RARB: variants seen among roughly 807,000 people sequenced by gnomAD.
RARB encodes the protein retinoic acid receptor beta, also known as HBV-activated protein.
RARB carries 17 observed loss-of-function variants against 51.9 expected under a neutral mutation model. The observed-to-expected ratio is 0.33, with a 90% CI of 0.22 to 0.49. RARB has a LOEUF of 0.49. Ranked by LOEUF, RARB falls within the 20% of genes least tolerant of loss-of-function variation. The pLI is 0.99. For missense variants in RARB, 369 were observed against 550.8 expected (o/e 0.67, Z 3.30); for synonymous variants, 215 against 195.4 (o/e 1.10, Z -0.84).
intron 5 of RARB, among the ~76,000 whole-genome samples, chr3:25,296,882 G>A (rs577309556): frequency 9.9e-5 from 15 of 152,122 alleles, no homozygotes; most frequent in Non-Finnish European, 1.9e-4. Context: ...CTTCTAAACT[G>A]CCCTGGACAA....
intron 5 of RARB, among the ~76,000 whole-genome samples, chr3:25,214,494 A>G (rs1331391395): frequency 6.6e-6 from 1 of 152,250 alleles, no homozygotes; most frequent in African/African-American, 2.4e-5. Context: ...GTAAGTATGT[A>G]TGTAAATATA....
chr3:24,865,825 G>T (rs1373526864), intron 2 of RARB, among the ~76,000 whole-genome samples: 1 of 152,162 alleles, frequency 6.6e-6, no homozygotes, highest in African/African-American at 2.4e-5. Context: ...CTACAGTGAG[G>T]TTATTGTGGC....
At chr3:25,020,227 C>G (rs1053036255) in intron 2 of RARB, 7 of 151,492 alleles carry the variant, frequency 4.6e-5, no homozygotes, top group Admixed American at 4.0e-4. Flanking sequence ...AGGCATGATC[C>G]CACTGCTGAT....
At position 25,596,507 on chromosome 3, in the gene RARB, A is replaced by T. The variant is rs1229281611; in HGVS notation, c.1238A>T (p.His413Leu). 1 of 1,613,464 alleles carries T rather than the reference A, an allele frequency of 6.2e-7. No individual in the cohort carries two copies. The highest frequency in any genetic ancestry group is 2.2e-5 in the East Asian group (1 of 44,870). ...GAAATGCTGGAGAATTCTGAAGGAC[A>T]TGAACCCTTGACCCCAAGTTCAAGT... ...IQEMLENSEG[H>L]EPLTPSSSGN... The change falls in exon 8 of 8, where the codon CAT (histidine) becomes CTT (leucine). Residue 413 changes from histidine (H) to leucine (L), a missense_variant. His to Leu is a moderately conservative substitution (Grantham distance 99). Transcript: ENST00000330688.
intron 2 of RARB, among the ~76,000 whole-genome samples, chr3:25,042,052 TG>T: frequency 6.6e-6 from 1 of 152,256 alleles, no homozygotes; most frequent in East Asian, 1.9e-4. Flanking sequence ...GAAGGGACTG[TG>T]GTAACATAGG....
chr3:24,923,459 C>T (rs1018280180), intron 2 of RARB, among the ~76,000 whole-genome samples: 6 of 151,856 alleles, frequency 4.0e-5, no homozygotes, highest in Non-Finnish European at 7.4e-5. Context: ...ATTATAGAAT[C>T]GTTATTTTAA....
chr3:25,510,566 C>T (rs1168190117), intron 3 of RARB, among the ~76,000 whole-genome samples: 1 of 151,902 alleles, frequency 6.6e-6, no homozygotes, highest in African/African-American at 2.4e-5. Flanking sequence ...GCAGAGGCTG[C>T]ATTGGGCCAA....
chr3:25,574,344 A>T (rs931587263), intron 4 of RARB, among the ~76,000 whole-genome samples: 2 of 152,326 alleles, frequency 1.3e-5, no homozygotes, highest in South Asian at 4.1e-4. Flanking sequence ...TCCTGCCTGG[A>T]GGGTTCCATG....
chr3:25,326,396 C>T (rs1704717488), intron 5 of RARB, among the ~76,000 whole-genome samples: 1 of 152,084 alleles, frequency 6.6e-6, no homozygotes, highest in South Asian at 2.1e-4. Flanking sequence ...ATTGAGTCAT[C>T]CTGAAAAGGA....
chr3:25,293,375 A>G (rs987807692), intron 5 of RARB, among the ~76,000 whole-genome samples: 2 of 152,078 alleles, frequency 1.3e-5, no homozygotes, highest in Non-Finnish European at 2.9e-5. Flanking sequence ...ATGTTTTATA[A>G]TGAACCACTT....
chr3:24,877,872 T>G (rs1703077441), intron 2 of RARB, among the ~76,000 whole-genome samples: 1 of 152,196 alleles, frequency 6.6e-6, no homozygotes, highest in African/African-American at 2.4e-5. Context: ...GAGCCTCTAA[T>G]CGGCTTTTAA....
chr3:25,075,456 G>T (rs1022951730), intron 3 of RARB, among the ~76,000 whole-genome samples: 1 of 152,062 alleles, frequency 6.6e-6, no homozygotes, highest in African/African-American at 2.4e-5. Flanking sequence ...CTGAGCCTGG[G>T]GCATTCCTGA....
At chr3:25,073,082 T>C (rs1224364587) in intron 3 of RARB, among the ~76,000 whole-genome samples, 1 of 152,144 alleles carries the variant, frequency 6.6e-6, no homozygotes, top group African/African-American at 2.4e-5. Flanking sequence ...TAGGGAAAAC[T>C]GAATGAGTAA....
chr3:24,987,989 A>C (rs1439823823), intron 2 of RARB, among the ~76,000 whole-genome samples: 2 of 151,856 alleles, frequency 1.3e-5, no homozygotes, highest in African/African-American at 4.8e-5. Context: ...CCAGTTCTCA[A>C]CCTTAGTTGT....
chr3:25,157,350 T>TGTGTG (rs1700392801), intron 4 of RARB, among the ~76,000 whole-genome samples: 2 of 145,000 alleles, frequency 1.4e-5, no homozygotes, highest in Non-Finnish European at 3.0e-5. Flanking sequence ...GTGTGTGTGT[T>TGTGTG]TGTGTGTGTG....
chr3:25,356,968 T>A (rs1453117276), intron 5 of RARB, among the ~76,000 whole-genome samples: 1 of 152,220 alleles, frequency 6.6e-6, no homozygotes, highest in Non-Finnish European at 1.5e-5. Flanking sequence ...AGTGCTGCAA[T>A]AAACATACGT....
intron 2 of RARB, among the ~76,000 whole-genome samples, chr3:24,996,756 A>C (rs1277347229): frequency 6.6e-6 from 1 of 151,970 alleles, no homozygotes. Flanking sequence ...GTATTTGTAA[A>C]GTTTTGAATG....
intron 3 of RARB, among the ~76,000 whole-genome samples, chr3:25,092,366 C>T (rs1699213743): frequency 6.6e-6 from 1 of 151,942 alleles, no homozygotes; most frequent in South Asian, 2.1e-4. Flanking sequence ...TGCCCAAGAT[C>T]TTAAAACAAA....
chr3:25,016,600 C>A (rs1436480617), intron 2 of RARB, among the ~76,000 whole-genome samples: 1 of 152,142 alleles, frequency 6.6e-6, no homozygotes, highest in Non-Finnish European at 1.5e-5. Context: ...ACGGTGGATA[C>A]AATCATCTTA....
Sources: gnomAD v4.1 joint callset for allele counts (sites outside exome capture counted in the v4.1 genomes callset) on GRCh38, gnomAD v4.1.1 for gene constraint, MANE v1.5 for transcripts, NCBI Gene and HGNC (gene_info 2026-07-23, HGNC 2026-07-21) for gene names.